Variants in SI observed in about 807,000 individuals in gnomAD.
The protein encoded by SI is sucrase-isomaltase, intestinal.
Under a neutral mutation model 253.3 loss-of-function variants are expected in SI, and 235 were observed. That is an observed-to-expected ratio of 0.93 (90% confidence interval 0.83 to 1.03). The LOEUF is 1.03. Among genes scored for constraint, SI ranks in the 50% least tolerant of loss-of-function variants. SI has a pLI of 0.00. For missense variants in SI, 2,442 were observed against 2,211.1 expected, an observed-to-expected ratio of 1.10 and a Z score of -2.09; for synonymous variants, 819 against 712.0, an observed-to-expected ratio of 1.15 and a Z score of -2.39.
In SI at chr3:165,068,769, C is replaced by T; in HGVS notation, c.436G>A (p.Val146Ile). 6.2e-7 allele frequency: 1 copy of T among 1,613,902 alleles called. No individual in the cohort carries two copies. The highest frequency in any genetic ancestry group is 8.5e-7 in the Non-Finnish European group (1 of 1,179,864). The change falls in exon 5 of 48, where the codon GTT (valine) becomes ATT (isoleucine). Residue 146 changes from valine to isoleucine, a missense_variant. Physicochemically the swap from Val to Ile is conservative, Grantham distance 29. Transcript: ENST00000264382. ...PTLFGNDINS[V>I]LFTTQNQTPN... Reference sequence around the variant, plus strand: ...GTCTGATTTTGAGTTGTGAAGAGAACACTGTTGATGTCATTTCCAAATAGT... The same window carrying T: ...GTCTGATTTTGAGTTGTGAAGAGAATACTGTTGATGTCATTTCCAAATAGT...
intron 33 of SI, among the ~76,000 whole-genome samples, chr3:165,013,969 C>T (rs998031392): frequency 5.3e-5 from 8 of 152,054 alleles, no homozygotes; most frequent in African/African-American, 1.9e-4. Context: ...TCAAGCAATC[C>T]TCCTACCTCA....
At chr3:164,991,865 T>C (rs1231933789) in intron 43 of SI, among the ~76,000 whole-genome samples, 5 of 152,094 alleles carry the variant, frequency 3.3e-5, no homozygotes, top group African/African-American at 1.2e-4. Flanking sequence ...ACATTATTCT[T>C]AGAAAGACTG....
chr3:165,072,163 T>A lies in SI; in HGVS notation c.255+2368A>T, dbSNP rs192002061. Among the ~76,000 whole-genome samples, 5 of 152,194 alleles carry A rather than the reference T, an allele frequency of 3.3e-5. No individual in the cohort carries two copies. In the East Asian group the frequency reaches 5.8e-4, roughly 18 times the overall value. ...AAAACCTAAGATAAATCTTTTTTTT[T>A]AAATTAAGGAAATTTTTAGAAAATC... On this transcript the variant is annotated intron_variant, in intron 3 of 47. Transcript: ENST00000264382.
At chr3:164,991,834 G>C (rs1448026115) in intron 43 of SI, among the ~76,000 whole-genome samples, 1 of 151,974 alleles carries the variant, frequency 6.6e-6, no homozygotes, top group Non-Finnish European at 1.5e-5. Flanking sequence ...AGTCACAAAA[G>C]CTCTGCTTGA....
At position 165,059,953 on chromosome 3, in the gene SI, T is replaced by C; in HGVS notation, c.1095A>G (p.Leu365=). The change falls in exon 10 of 48, where the codon CTA becomes CTG. Residue 365 remains leucine, a synonymous_variant. Transcript: ENST00000264382. ...FQLSRWNYKS[L]DVVKEVVRRN... ...TCCTTACCACTTCTTTCACTACATC[T>C]AGTGACTTATAATTCCAGCGACTTA... is the stretch of plus-strand genomic sequence containing the variant. The C allele has an allele frequency of 1.2e-6, 2 of 1,612,208 alleles. No individual in the cohort carries two copies. The highest frequency in any genetic ancestry group is 1.7e-6 in the Non-Finnish European group (2 of 1,178,720).
At chr3:165,089,409 A>T in the SI span, among the ~76,000 whole-genome samples, 5 of 152,212 alleles carry the variant, frequency 3.3e-5, no homozygotes, top group African/African-American at 1.2e-4. Context: ...ACCCTATGCA[A>T]TTCTGGAAAC....
intron 9 of SI, among the ~76,000 whole-genome samples, chr3:165,060,277 A>G (rs1054933611): frequency 2.0e-5 from 3 of 152,008 alleles, no homozygotes; most frequent in African/African-American, 7.2e-5. Context: ...TAGAAAGTGT[A>G]GCATATCAGA....
chr3:165,046,509 T>G (rs1313274424), intron 16 of SI, among the ~76,000 whole-genome samples: 4 of 152,042 alleles, frequency 2.6e-5, no homozygotes, highest in African/African-American at 9.7e-5. Flanking sequence ...TGACATTTAT[T>G]TTTATAACCA....
upstream of SI, among the ~76,000 whole-genome samples, chr3:165,078,746 A>G (rs926402635): frequency 2.0e-5 from 3 of 151,340 alleles, no homozygotes. Flanking sequence ...AGTTCTTTCT[A>G]TTTTTTCTCT....
intron 37 of SI, among the ~76,000 whole-genome samples, chr3:165,006,154 G>A (rs894779304): frequency 2.0e-5 from 3 of 152,090 alleles, no homozygotes; most frequent in Non-Finnish European, 2.9e-5. Context: ...CTGTTGCCAG[G>A]CTGGAGTGCA....
chr3:165,084,696 A>G, the SI span, among the ~76,000 whole-genome samples: 1 of 151,958 alleles, frequency 6.6e-6, no homozygotes, highest in East Asian at 1.9e-4. Context: ...CTACTTCCAT[A>G]TTTTATTCTA....
intron 14 of SI, 71 bp downstream of exon 14, chr3:165,049,720 T>A: frequency 1.2e-6 from 1 of 864,508 alleles, no homozygotes; most frequent in East Asian, 2.5e-5. Flanking sequence ...GAAATATATG[T>A]TAGAAATTAC....
intron 12 of SI, among the ~76,000 whole-genome samples, chr3:165,055,764 T>C (rs1278598102): frequency 2.6e-5 from 4 of 152,130 alleles, no homozygotes; most frequent in African/African-American, 9.6e-5. Flanking sequence ...CTGGGCACTA[T>C]TTCAAGTACT....
At chr3:164,987,855 G>C (rs899677025) in intron 44 of SI, among the ~76,000 whole-genome samples, 1 of 151,922 alleles carries the variant, frequency 6.6e-6, no homozygotes, top group African/African-American at 2.4e-5. Context: ...GCTTCTCTTG[G>C]GTAATCCTGT....
chr3:165,042,269 C>T (rs1379932251), intron 17 of SI, among the ~76,000 whole-genome samples: 3 of 152,012 alleles, frequency 2.0e-5, no homozygotes, highest in African/African-American at 7.2e-5. Flanking sequence ...CCAATTTGTA[C>T]CTTTTAATTT....
intron 41 of SI, among the ~76,000 whole-genome samples, chr3:164,993,374 TTTG>T (rs148795140): frequency 0.052 from 7,852 of 151,774 alleles, 679 homozygotes; most frequent in African/African-American, 0.18. Context: ...GAAAGAATCT[TTTG>T]TTGTTGTTTT....
At position 165,068,675 on chromosome 3, in the gene SI, T is replaced by C. The variant is rs1159854233; in HGVS notation, c.483+47A>G. ...GGCGTGAGCCACCGCGCCCAGCCCA[T>C]CAAATGTCTTTTAGTATTAAATCTT... On this transcript the variant is annotated intron_variant, in intron 5 of 47. Transcript: ENST00000264382. 3.6e-6 allele frequency: 5 copies of C among 1,394,282 alleles called. No homozygotes were observed. The East Asian group carries it at 1.1e-4, about 32-fold the overall frequency. 86.4% of individuals were successfully genotyped at this position (1,394,282 alleles called of 1,614,324 possible). A position where few individuals can be genotyped will look rare whatever the true frequency, so the allele number is the denominator to read the frequency against.
chr3:164,987,347 T>TAA, intron 44 of SI, 121 bp from the exon 45 acceptor site: 1 of 753,608 alleles, frequency 1.3e-6, no homozygotes, highest in East Asian at 2.7e-5. Flanking sequence ...CAAACTGACT[T>TAA]AGACTAAGAA....
chr3:165,021,671 G>A (rs1183511482), intron 26 of SI, among the ~76,000 whole-genome samples: 1 of 151,500 alleles, frequency 6.6e-6, no homozygotes, highest in Non-Finnish European at 1.5e-5. Flanking sequence ...TAAATATTCT[G>A]TTGTATGGGT....
Sources: gnomAD v4.1 joint callset for allele counts (sites outside exome capture counted in the v4.1 genomes callset) on GRCh38, gnomAD v4.1.1 for gene constraint, MANE v1.5 for transcripts, NCBI Gene and HGNC (gene_info 2026-07-23, HGNC 2026-07-21) for gene names.